The following GDF6 variants were observed in gnomAD, a reference collection of about 807,000 sequenced individuals.
The protein encoded by GDF6 is growth/differentiation factor 6.
In GDF6, 3 loss-of-function variants were observed where a neutral mutation model predicts 32.4. That is an observed-to-expected ratio of 0.09 (90% confidence interval 0.04 to 0.24). The LOEUF is 0.24. GDF6 is among the 10% of genes least tolerant of loss of function. The pLI is 1.00. For missense variants in GDF6, 589 were observed against 637.9 expected, an observed-to-expected ratio of 0.92 and a Z score of 0.83; for synonymous variants, 296 against 295.3, an observed-to-expected ratio of 1.00 and a Z score of -0.03.
At chr8:96,156,833 G>C (rs1208085723) in intron 1 of GDF6, among the ~76,000 whole-genome samples, 1 of 152,176 alleles carries the variant, frequency 6.6e-6, no homozygotes, top group African/African-American at 2.4e-5. Context: ...ACAAATATTA[G>C]ACTGGGGGAA....
rs1338231285 is a variant in GDF6, at chr8:96,160,289, A to T, written c.404T>A (p.Leu135Gln). 6.2e-7 allele frequency: 1 copy of T among 1,614,136 alleles called. No homozygotes were observed. The highest frequency in any genetic ancestry group is 1.3e-5 in the African/African-American group (1 of 74,948). ...CGAGCGTTTTCTTTGCCACTTACCT[A>T]GTCCCCTGTCTACAAAGCTGGTGAT... ...NTITSFVDRG[L>Q]DDLSHTPLRR... The change falls in exon 1 of 2, where the codon CTA becomes CAA. Residue 135 changes from leucine (L) to glutamine (Q), a missense_variant and splice_region_variant. This residue lies in a region of GDF6 where 436 missense variants were observed against 411.2 expected (regional missense o/e 1.06). Transcript: ENST00000287020.
chr8:96,147,997 C>A (rs1405369310), intron 1 of GDF6, among the ~76,000 whole-genome samples: 1 of 152,006 alleles, frequency 6.6e-6, no homozygotes, highest in African/African-American at 2.4e-5. Flanking sequence ...TGTTTTTACT[C>A]TTTTAAAAAA....
chr8:96,144,332 G>A lies in GDF6; in HGVS notation c.*231C>T. On this transcript the variant is annotated 3_prime_UTR_variant, in exon 2 of 2. Transcript: ENST00000287020. The surrounding 1 kb of genome is among the most constrained non-coding windows in gnomAD (Gnocchi z 5.1). ...AATCCTCCTTGGCTTGTTTTTCCAGGGTGGCCAGGCAAGGTGTGAAAATCC... is the reference window on the plus strand; with the variant it reads ...AATCCTCCTTGGCTTGTTTTTCCAGAGTGGCCAGGCAAGGTGTGAAAATCC... 3.7e-6 allele frequency: 2 copies of A among 546,420 alleles called. No individual in the cohort carries two copies. Among genetic ancestry groups the A allele is most frequent in the Non-Finnish European group, 6.6e-6 (2 of 304,966 alleles). The allele number at this position is 546,420 out of a possible 1,614,324, so 33.8% of individuals were successfully genotyped here. A position where few individuals can be genotyped will look rare whatever the true frequency, so the allele number is the denominator to read the frequency against.
chr8:96,157,633 G>A (rs1231291613), intron 1 of GDF6, among the ~76,000 whole-genome samples: 2 of 152,184 alleles, frequency 1.3e-5, no homozygotes, highest in Admixed American at 1.3e-4. Flanking sequence ...GGCCGTCCAC[G>A]CGTTGGGGGA....
intron 1 of GDF6, among the ~76,000 whole-genome samples, chr8:96,157,159 A>G (rs1812678399): frequency 6.6e-6 from 1 of 151,930 alleles, no homozygotes; most frequent in African/African-American, 2.4e-5. Flanking sequence ...TACTATTATT[A>G]CTCCTAGGTG....
chr8:96,145,093 C>T lies in GDF6; in HGVS notation c.838G>A (p.Val280Ile). 2 of 1,520,698 alleles carry T rather than the reference C, an allele frequency of 1.3e-6. No individual in the cohort carries two copies. The highest frequency in any genetic ancestry group is 1.7e-6 in the Non-Finnish European group (2 of 1,143,270). The allele number at this position is 1,520,698 out of a possible 1,614,324, so 94.2% of individuals were successfully genotyped here. The change falls in exon 2 of 2, where the codon GTA becomes ATA. Residue 280 changes from valine (V) to isoleucine (I), a missense_variant. Physicochemically the swap from Val to Ile is conservative, Grantham distance 29 (BLOSUM62 3). This residue lies in a region of GDF6 where 436 missense variants were observed against 411.2 expected (regional missense o/e 1.06). Transcript: ENST00000287020. This position sits in a 1 kb window ranked among gnomAD's most constrained non-coding sequence, Gnocchi z 5.6. ...TTCTTGCGCTGGGATCTGGTGAATA[C>T]CACCAGCAGGGCCCGCTCCTGGGGA... ...RPPQERALLV[V>I]FTRSQRKNLF...
intron 1 of GDF6, among the ~76,000 whole-genome samples, chr8:96,146,218 T>A (rs1158746418): frequency 6.6e-6 from 1 of 152,160 alleles, no homozygotes; most frequent in African/African-American, 2.4e-5. Context: ...ACAGCGAATC[T>A]TAATCTGGCC....
intron 1 of GDF6, among the ~76,000 whole-genome samples, chr8:96,151,322 G>A (rs552086857): frequency 6.6e-6 from 1 of 152,270 alleles, no homozygotes; most frequent in Non-Finnish European, 1.5e-5. Context: ...AATCTGTTCT[G>A]GGCATGATCT....
At chr8:96,156,379 T>TCTCTCTTTCC (rs1563513176) in intron 1 of GDF6, among the ~76,000 whole-genome samples, 2 of 556 alleles carry the variant, frequency 3.6e-3, no homozygotes, top group South Asian at 0.083. Flanking sequence ...TCTCTTTCCC[T>TCTCTCTTTCC]CTCTCTCTCT....
chr8:96,155,233 A>C (rs907387247), intron 1 of GDF6, among the ~76,000 whole-genome samples: 1 of 152,266 alleles, frequency 6.6e-6, no homozygotes, highest in Non-Finnish European at 1.5e-5. Context: ...CTCCTTTGCC[A>C]AGGAAACTCG....
Position 96,144,485 on chromosome 8 carries a change from T to A in GDF6, c.*78A>T. The A allele has an allele frequency of 1.9e-6, 3 of 1,551,582 alleles. No individual in the cohort carries two copies. The South Asian group carries it at 3.6e-5, about 18-fold the overall frequency. On this transcript the variant is annotated 3_prime_UTR_variant, in exon 2 of 2. Coordinates refer to ENST00000287020, the MANE Select transcript of GDF6 (RefSeq NM_001001557.4). This position sits in a 1 kb window ranked among gnomAD's most constrained non-coding sequence, Gnocchi z 5.1. ...CCCAGCGCCAGCTTCCTCCTCCGCC[T>A]CTCTGCAGCCAGGCCTCCCCTGCAA...
Position 96,146,727 on chromosome 8 carries a change from T to G in GDF6, c.407-1203A>C, listed in dbSNP as rs111431389. On this transcript the variant is annotated intron_variant, in intron 1 of 1. Coordinates refer to ENST00000287020, the MANE Select transcript of GDF6 (RefSeq NM_001001557.4). ...ACACACAGAGAGAGAGAGAGAGAGATAGAGAGACTTTCCCATCTCTCCTCC... is the reference window on the plus strand; with the variant it reads ...ACACACAGAGAGAGAGAGAGAGAGAGAGAGAGACTTTCCCATCTCTCCTCC... Among the ~76,000 whole-genome samples, 855 of 110,880 alleles carry G rather than the reference T, an allele frequency of 7.7e-3. 5 individuals carry two copies. The highest frequency in any genetic ancestry group is 0.029 in the African/African-American group (725 of 25,222). The allele number at this position is 110,880 out of a possible 152,430, so 72.7% of individuals were successfully genotyped here. A position where few individuals can be genotyped will look rare whatever the true frequency, so the allele number is the denominator to read the frequency against.
intron 1 of GDF6, among the ~76,000 whole-genome samples, chr8:96,155,639 T>G (rs905479723): frequency 1.3e-5 from 2 of 152,328 alleles, no homozygotes; most frequent in Admixed American, 6.5e-5. Context: ...TCCAAGGCTG[T>G]TCCCTCTTTC....
At chr8:96,146,394 C>T (rs1812486046) in intron 1 of GDF6, among the ~76,000 whole-genome samples, 1 of 151,374 alleles carries the variant, frequency 6.6e-6, no homozygotes, top group Non-Finnish European at 1.5e-5. Flanking sequence ...AGTTTAGACT[C>T]ACTAGTCTGG....
chr8:96,149,203 A>T (rs914654883), intron 1 of GDF6, among the ~76,000 whole-genome samples: 3 of 152,224 alleles, frequency 2.0e-5, no homozygotes, highest in Non-Finnish European at 4.4e-5. Flanking sequence ...TTGTCACTTG[A>T]AAATCTGTGG....
At chr8:96,149,438 G>A (rs1273461278) in intron 1 of GDF6, among the ~76,000 whole-genome samples, 1 of 152,152 alleles carries the variant, frequency 6.6e-6, no homozygotes, top group Non-Finnish European at 1.5e-5. Flanking sequence ...TGGCAGCTAC[G>A]TAGAGAAAGG....
rs1215356370 is a variant in GDF6 at position 96,144,272 on chromosome 8, GAGAGAGAGAGAGAGAGAGA to G, written c.*272_*290del. 2.3e-3 allele frequency: 1,087 copies of G among 462,638 alleles called. 16 individuals are homozygous for G. The highest frequency in any genetic ancestry group is 0.022 in the African/African-American group (1,006 of 46,408). 28.7% of individuals were successfully genotyped at this position (462,638 alleles called of 1,614,324 possible). A position where few individuals can be genotyped will look rare whatever the true frequency, so the allele number is the denominator to read the frequency against. ...AGAGAGAGAGAGAGAGAGAGAGAGA[GAGAGAGAGAGAGAGAGAGA>G]AAACAGAACAAAAGAAATCCTCCTT... On this transcript the variant is annotated 3_prime_UTR_variant, in exon 2 of 2. Transcript: ENST00000287020. The surrounding 1 kb of genome is among the most constrained non-coding windows in gnomAD (Gnocchi z 5.1).
rs1586119048 is a variant in GDF6, at chr8:96,145,676, C to T, written c.407-152G>A. 1.1e-6 allele frequency: 1 copy of T among 876,376 alleles called. No individual in the cohort carries two copies. The highest frequency in any genetic ancestry group is 2.3e-5 in the Admixed American group (1 of 43,566). 54.3% of individuals were successfully genotyped at this position (876,376 alleles called of 1,614,324 possible). A position where few individuals can be genotyped will look rare whatever the true frequency, so the allele number is the denominator to read the frequency against. On this transcript the variant is annotated intron_variant, in intron 1 of 1. Transcript: ENST00000287020. This position sits in a 1 kb window ranked among gnomAD's most constrained non-coding sequence, Gnocchi z 5.6. ...GGCCCAGGGCCTGACCACCCCGGCTCCCCATCTGGCTGGTGCATGGCGCGG... is the reference window on the plus strand; with the variant it reads ...GGCCCAGGGCCTGACCACCCCGGCTTCCCATCTGGCTGGTGCATGGCGCGG...
At chr8:96,154,610 T>G (rs1473972707) in intron 1 of GDF6, among the ~76,000 whole-genome samples, 2 of 152,180 alleles carry the variant, frequency 1.3e-5, no homozygotes, top group Non-Finnish European at 2.9e-5. Context: ...TTCAGTCCCC[T>G]GGTCCAAAGA....
Sources: gnomAD v4.1 joint callset for allele counts (sites outside exome capture counted in the v4.1 genomes callset) on GRCh38, gnomAD v4.1.1 for gene constraint, gnomAD v4.1.1 regional missense constraint, Gnocchi (gnomAD v3.1) non-coding constraint, MANE v1.5 for transcripts, NCBI Gene and HGNC (gene_info 2026-07-23, HGNC 2026-07-21) for gene names.